The following PRMT2 variants were observed in gnomAD, a reference collection of about 807,000 sequenced individuals.
PRMT2 encodes the protein protein arginine N-methyltransferase 2.
In PRMT2, 26 loss-of-function variants were observed where a neutral mutation model predicts 57.6. The observed-to-expected ratio is 0.45, with a 90% CI of 0.33 to 0.63. The LOEUF is 0.63. Among genes scored for constraint, PRMT2 ranks in the 20% least tolerant of loss-of-function variants. The pLI is 0.02. For missense variants in PRMT2, 472 were observed against 564.4 expected, an observed-to-expected ratio of 0.84 and a Z score of 1.66; for synonymous variants, 219 against 220.0, an observed-to-expected ratio of 1.00 and a Z score of 0.04.
chr21:46,648,646 G>A lies in PRMT2; in HGVS notation c.489+27G>A, dbSNP rs765474494. On this transcript the variant is annotated intron_variant, in intron 6 of 11. Coordinates refer to ENST00000355680, the MANE Select transcript of PRMT2 (RefSeq NM_206962.4). The surrounding 1 kb of genome is among the most constrained non-coding windows in gnomAD (Gnocchi z 4.8). Reference sequence around the variant, plus strand: ...TGAGTGGGGTCTCGAGCGCATCCCGGGTGTTTGTGCCGAGGCTGGTGACGT... The same window carrying A: ...TGAGTGGGGTCTCGAGCGCATCCCGAGTGTTTGTGCCGAGGCTGGTGACGT... The A allele has an allele frequency of 6.9e-6, 11 of 1,605,122 alleles. No individual in the cohort carries two copies. Among genetic ancestry groups the A allele is most frequent in the South Asian group, 1.1e-5 (1 of 90,932 alleles).
intron 3 of PRMT2, among the ~76,000 whole-genome samples, chr21:46,637,777 G>A (rs1378583170): frequency 1.3e-5 from 2 of 148,474 alleles, no homozygotes. Context: ...ACATATATGT[G>A]TGTGTGTGTG....
At chr21:46,638,608 A>G (rs1287417653) in intron 3 of PRMT2, among the ~76,000 whole-genome samples, 1 of 152,238 alleles carries the variant, frequency 6.6e-6, no homozygotes, top group African/African-American at 2.4e-5. Flanking sequence ...AGTGCTTACT[A>G]ACACTTGACA....
chr21:46,642,354 G>T (rs902776350), intron 3 of PRMT2, among the ~76,000 whole-genome samples: 1 of 152,226 alleles, frequency 6.6e-6, no homozygotes, highest in African/African-American at 2.4e-5. Context: ...ATTAAATAGT[G>T]TTAGAAGTAT....
chr21:46,640,003 T>C (rs1467363948), intron 3 of PRMT2, among the ~76,000 whole-genome samples: 1 of 152,218 alleles, frequency 6.6e-6, no homozygotes, highest in Non-Finnish European at 1.5e-5. Flanking sequence ...TAATTCCATA[T>C]TACCTCCTTT....
intron 3 of PRMT2, among the ~76,000 whole-genome samples, chr21:46,640,110 C>T (rs1272444617): frequency 6.6e-6 from 1 of 152,044 alleles, no homozygotes; most frequent in Non-Finnish European, 1.5e-5. Context: ...TTTTTAACTA[C>T]TTCATAAGGT....
Position 46,661,894 on chromosome 21 carries a change from A to G in PRMT2, c.1055A>G (p.Glu352Gly). 1 of 1,376,210 alleles carries G rather than the reference A, an allele frequency of 7.3e-7. No homozygotes were observed. Among genetic ancestry groups the G allele is most frequent in the Non-Finnish European group, 9.6e-7 (1 of 1,044,378 alleles). 85.2% of individuals were successfully genotyped at this position (1,376,210 alleles called of 1,614,324 possible). ...WFSVHFQSLQ[E>G]GQPPQVLSTG... Reference sequence around the variant, plus strand: ...AGCGTCCACTTCCAGAGCCTGCAGGAGGGGCAGCCGCCGCAGGTGCTCAGC... The same window carrying G: ...AGCGTCCACTTCCAGAGCCTGCAGGGGGGGCAGCCGCCGCAGGTGCTCAGC... Residue 352 changes from glutamate to glycine, a missense_variant, in exon 10 of 12, where the codon GAG (glutamate) becomes GGG (glycine). Around this residue, in one of 2 missense-constraint regions of PRMT2, gnomAD observed 229 missense variants for 217.2 expected, o/e 1.05. Coordinates refer to ENST00000355680, the MANE Select transcript of PRMT2 (RefSeq NM_206962.4).
intron 7 of PRMT2, among the ~76,000 whole-genome samples, chr21:46,655,424 T>C (rs117772343): frequency 6.6e-6 from 1 of 152,136 alleles, no homozygotes; most frequent in East Asian, 1.9e-4. Flanking sequence ...TCAATCAGTG[T>C]AATCTACCAT....
intron 8 of PRMT2, 116 bp downstream of exon 8, chr21:46,659,036 G>T: frequency 6.8e-7 from 1 of 1,461,722 alleles, no homozygotes; most frequent in Non-Finnish European, 9.0e-7. Context: ...GAGGGTACCT[G>T]TGCACCCAGA....
rs1224638062 is a variant in PRMT2, at chr21:46,664,666, G to A, written c.*339G>A. 2 of 375,272 alleles carry A rather than the reference G, an allele frequency of 5.3e-6. No homozygotes were observed. Among genetic ancestry groups the A allele is most frequent in the Non-Finnish European group, 1.0e-5 (2 of 200,372 alleles). 23.2% of individuals were successfully genotyped at this position (375,272 alleles called of 1,614,324 possible). A position where few individuals can be genotyped will look rare whatever the true frequency, so the allele number is the denominator to read the frequency against. On this transcript the variant is annotated 3_prime_UTR_variant, in exon 12 of 12. Transcript: ENST00000355680. ...AGGTCTAGGTCTACACTCCTAGGAC[G>A]CACGCATATCAGCCCGTGTACCCTG...
intron 3 of PRMT2, among the ~76,000 whole-genome samples, chr21:46,642,050 A>G (rs546675396): frequency 9.8e-5 from 15 of 152,306 alleles, no homozygotes; most frequent in African/African-American, 3.6e-4. Context: ...ACAGAGACTA[A>G]AGTGATTGGT....
In PRMT2 at chr21:46,656,817, A is replaced by G. The variant is rs552743006; in HGVS notation, c.655-1928A>G. 8 of 152,368 alleles carry G rather than the reference A, an allele frequency of 5.3e-5. No individual in the cohort carries two copies. In the South Asian group the frequency reaches 1.2e-3, roughly 24 times the overall value. 9.4% of individuals were successfully genotyped at this position (152,368 alleles called of 1,614,324 possible). On this transcript the variant is annotated intron_variant, in intron 7 of 11. Coordinates refer to ENST00000355680, the MANE Select transcript of PRMT2 (RefSeq NM_206962.4). ...GATCCATAGCAGAAAATGTTGATAA[A>G]TTGAATTTCATCAAAACTAAAAATG... is the stretch of plus-strand genomic sequence containing the variant.
intron 7 of PRMT2, chr21:46,657,027 TATACA>T (rs2148996130): frequency 6.6e-6 from 1 of 152,278 alleles, no homozygotes; most frequent in South Asian, 2.1e-4. Flanking sequence ...CCAAAGTGGA[TATACA>T]GATATCAAAT....
At position 46,665,092 on chromosome 21, in the gene PRMT2, G is replaced by A. The variant is rs1426227165; in HGVS notation, c.*765G>A. ...CATGTCCATAATTTTTTTTTGTATT[G>A]TTTTGATTTTTATTAAATTTTATTG... On this transcript the variant is annotated 3_prime_UTR_variant, in exon 12 of 12. Transcript: ENST00000355680. 2 of 150,520 alleles carry A rather than the reference G, an allele frequency of 1.3e-5. No individual in the cohort carries two copies. Among genetic ancestry groups the A allele is most frequent in the African/African-American group, 4.9e-5 (2 of 41,160 alleles). The allele number at this position is 150,520 out of a possible 1,614,324, so 9.3% of individuals were successfully genotyped here.
intron 3 of PRMT2, among the ~76,000 whole-genome samples, chr21:46,640,840 C>T (rs187050732): frequency 1.1e-3 from 162 of 151,722 alleles, no homozygotes; most frequent in African/African-American, 3.5e-3. Flanking sequence ...TGACATGTCT[C>T]ATGCTCTATT....
Position 46,663,492 on chromosome 21 carries a change from A to G in PRMT2, c.1207A>G (p.Arg403Gly). ...GTTGCAGAGAAACCCAGTGTGGAGAAGGCACATGTCTGTGGCTCTGAGCTG... is the reference window on the plus strand; with the variant it reads ...GTTGCAGAGAAACCCAGTGTGGAGAGGGCACATGTCTGTGGCTCTGAGCTG... ...VVLQRNPVWR[R>G]HMSVALSWAV... Residue 403 changes from arginine to glycine, a missense_variant, in exon 11 of 12, where the codon AGG (arginine) becomes GGG (glycine). By Grantham distance (125) the Arg-to-Gly change is moderately radical. Around this residue, in one of 2 missense-constraint regions of PRMT2, gnomAD observed 229 missense variants for 217.2 expected, o/e 1.05. Transcript: ENST00000355680. The G allele has an allele frequency of 6.2e-7, 1 of 1,614,196 alleles. No individual in the cohort carries two copies. The highest frequency in any genetic ancestry group is 8.5e-7 in the Non-Finnish European group (1 of 1,180,016).
intron 3 of PRMT2, among the ~76,000 whole-genome samples, chr21:46,641,665 C>T (rs992308242): frequency 6.6e-6 from 1 of 151,842 alleles, no homozygotes; most frequent in African/African-American, 2.4e-5. Context: ...GCACTCCAGC[C>T]TAGGCGACAG....
chr21:46,641,945 G>A (rs367949686), intron 3 of PRMT2, among the ~76,000 whole-genome samples: 2 of 151,918 alleles, frequency 1.3e-5, no homozygotes, highest in Non-Finnish European at 2.9e-5. Flanking sequence ...TAGACAGTAA[G>A]GTAAAAAAAG....
At chr21:46,639,916 T>A (rs1392427657) in intron 3 of PRMT2, among the ~76,000 whole-genome samples, 1 of 152,214 alleles carries the variant, frequency 6.6e-6, no homozygotes, top group East Asian at 1.9e-4. Flanking sequence ...TTTTGCTGTT[T>A]GTTTTATGTT....
chr21:46,643,025 TCAAAAAAAAAAAAA>T (rs2061303521), intron 3 of PRMT2, among the ~76,000 whole-genome samples: 1 of 23,242 alleles, frequency 4.3e-5, no homozygotes, highest in South Asian at 1.8e-3. Context: ...AGACTCTGTC[TCAAAAAAAAAAAAA>T]AAAAAAAAAT....
Sources: gnomAD v4.1 joint callset for allele counts (sites outside exome capture counted in the v4.1 genomes callset) on GRCh38, gnomAD v4.1.1 for gene constraint, gnomAD v4.1.1 regional missense constraint, Gnocchi (gnomAD v3.1) non-coding constraint, MANE v1.5 for transcripts, NCBI Gene and HGNC (gene_info 2026-07-23, HGNC 2026-07-21) for gene names.